The following HCN1 variants were observed in gnomAD, a reference collection of about 807,000 sequenced individuals.
HCN1 encodes hyperpolarization activated cyclic nucleotide gated potassium channel 1.
Under a neutral mutation model 78.9 loss-of-function variants are expected in HCN1, and 13 were observed. That is an observed-to-expected ratio of 0.16 (90% CI 0.11 to 0.26). The LOEUF (loss-of-function observed/expected upper bound fraction) is 0.26. HCN1 is among the 10% of genes least tolerant of loss of function. The pLI is 1.00. For missense variants in HCN1, 810 were observed against 1,154.3 expected (o/e 0.70, Z 4.32); for synonymous variants, 552 against 455.5 (o/e 1.21, Z -2.70).
chr5:45,376,236 CTA>C (rs1321997607), intron 4 of HCN1, among the ~76,000 whole-genome samples: 2 of 27,954 alleles, frequency 7.2e-5, no homozygotes, highest in African/African-American at 2.7e-4. Flanking sequence ...AATATATATT[CTA>C]TATATTCTAT....
At chr5:45,491,460 T>C (rs1284562117) in intron 2 of HCN1, among the ~76,000 whole-genome samples, 1 of 152,146 alleles carries the variant, frequency 6.6e-6, no homozygotes, top group African/African-American at 2.4e-5. Context: ...GGCCTTTAAC[T>C]TACCTTGTGC....
Position 45,295,117 on chromosome 5 carries a change from C to T in HCN1, c.1618+8482G>A, listed in dbSNP as rs373597700. Among the ~76,000 whole-genome samples the T allele has an allele frequency of 3.1e-4, 47 of 151,946 alleles. No individual in the cohort carries two copies. In the South Asian group the frequency reaches 8.7e-3, roughly 28 times the overall value. On this transcript the variant is annotated intron_variant, in intron 6 of 7. Transcript: ENST00000303230. ...TCACCACAACCCCAACACTCACTCACCACCCAACTGGCCTAAGCTATGTAG... is the reference window on the plus strand; with the variant it reads ...TCACCACAACCCCAACACTCACTCATCACCCAACTGGCCTAAGCTATGTAG...
At position 45,347,668 on chromosome 5, in the gene HCN1, A is replaced by T. The variant is rs552968425; in HGVS notation, c.1377+5432T>A. 6.6e-4 allele frequency among the ~76,000 whole-genome samples: 101 copies of T among 152,330 alleles called. 1 individual carries two copies. In the East Asian group the frequency reaches 0.012, roughly 18 times the overall value. ...GAATAACCAATATAGAGAAGTGCTT[A>T]AAGGAGCTGATGGAGCTGAAAGCCA... On this transcript the variant is annotated intron_variant, in intron 5 of 7. Transcript: ENST00000303230.
chr5:45,608,005 T>G (rs886905276), intron 2 of HCN1, among the ~76,000 whole-genome samples: 1 of 151,878 alleles, frequency 6.6e-6, no homozygotes, highest in Non-Finnish European at 1.5e-5. Flanking sequence ...TTATTAGAAT[T>G]AATAAGGGAA....
chr5:45,270,381 T>C (rs936984742), intron 6 of HCN1, among the ~76,000 whole-genome samples: 9 of 152,212 alleles, frequency 5.9e-5, no homozygotes, highest in Admixed American at 2.0e-4. Context: ...GTAACTACTG[T>C]TAGTGATTGA....
chr5:45,437,042 A>G (rs547832205), intron 3 of HCN1, among the ~76,000 whole-genome samples: 1 of 152,224 alleles, frequency 6.6e-6, no homozygotes, highest in African/African-American at 2.4e-5. Context: ...ACCCATGTGT[A>G]TATGGCAAAT....
At chr5:45,474,829 A>T (rs1469400630) in intron 2 of HCN1, among the ~76,000 whole-genome samples, 6 of 151,914 alleles carry the variant, frequency 3.9e-5, no homozygotes, top group Non-Finnish European at 8.8e-5. Context: ...TTGGTATCTC[A>T]AGGACTTTTA....
At chr5:45,422,210 T>C (rs1740244539) in intron 3 of HCN1, among the ~76,000 whole-genome samples, 1 of 152,196 alleles carries the variant, frequency 6.6e-6, no homozygotes, top group African/African-American at 2.4e-5. Flanking sequence ...TTTTGTCCAA[T>C]CATACTTCTA....
chr5:45,335,702 G>A lies in HCN1; in HGVS notation c.1377+17398C>T, dbSNP rs72762031. On this transcript the variant is annotated intron_variant, in intron 5 of 7. Transcript: ENST00000303230. ...TTTCACTGCATTGTAGTAACATTAA[G>A]AGTTAAATTCTACTGTGTACTTACT... Among the ~76,000 whole-genome samples, 754 of 152,184 alleles carry A rather than the reference G, an allele frequency of 5.0e-3. 2 individuals carry two copies. Among genetic ancestry groups the A allele is most frequent in the Non-Finnish European group, 7.9e-3 (538 of 67,984 alleles).
At chr5:45,267,012 T>C in intron 7 of HCN1, 77 bp downstream of exon 7, 2 of 1,237,498 alleles carry the variant, frequency 1.6e-6, no homozygotes, top group Admixed American at 1.7e-5. Flanking sequence ...CCCCACTGCA[T>C]TTGGGACTTA....
intron 2 of HCN1, among the ~76,000 whole-genome samples, chr5:45,635,602 G>A (rs750497813): frequency 1.3e-5 from 2 of 152,032 alleles, no homozygotes; most frequent in Non-Finnish European, 2.9e-5. Flanking sequence ...TTAAAAAATG[G>A]TCTAAATGGC....
At chr5:45,301,442 G>A (rs567198462) in intron 6 of HCN1, among the ~76,000 whole-genome samples, 2 of 151,454 alleles carry the variant, frequency 1.3e-5, no homozygotes, top group Non-Finnish European at 2.9e-5. Context: ...ATTCCAGTCA[G>A]GTGCGGTGGC....
chr5:45,375,156 TATATA>T (rs1187187796), intron 4 of HCN1, among the ~76,000 whole-genome samples: 80 of 120,630 alleles, frequency 6.6e-4, no homozygotes, highest in Middle Eastern at 4.4e-3. Flanking sequence ...TAATGTATTA[TATATA>T]ATATATTTTA....
intron 2 of HCN1, among the ~76,000 whole-genome samples, chr5:45,519,258 T>A (rs1742570804): frequency 6.6e-6 from 1 of 152,012 alleles, no homozygotes. Context: ...CACAGACCAC[T>A]ACAATGAGAA....
intron 2 of HCN1, among the ~76,000 whole-genome samples, chr5:45,527,240 T>A (rs1314611632): frequency 7.3e-6 from 1 of 137,594 alleles, no homozygotes; most frequent in Non-Finnish European, 1.6e-5. Flanking sequence ...GTTATATTAA[T>A]TTTTTTATAT....
chr5:45,316,620 A>G (rs1745999810), intron 5 of HCN1, among the ~76,000 whole-genome samples: 1 of 152,204 alleles, frequency 6.6e-6, no homozygotes, highest in Admixed American at 6.5e-5. Context: ...GAGGAAGTCA[A>G]ATTGTCCCTG....
intron 5 of HCN1, among the ~76,000 whole-genome samples, chr5:45,315,161 G>A (rs1745954441): frequency 6.6e-6 from 1 of 152,154 alleles, no homozygotes; most frequent in South Asian, 2.1e-4. Flanking sequence ...AACATAGTTG[G>A]AAGTAAAGCT....
intron 5 of HCN1, among the ~76,000 whole-genome samples, chr5:45,328,388 G>A (rs1206771578): frequency 1.3e-5 from 2 of 151,280 alleles, no homozygotes; most frequent in Admixed American, 1.3e-4. Flanking sequence ...AGCATTTTAT[G>A]GCTCTCTGGC....
At chr5:45,630,923 T>G (rs1745259984) in intron 2 of HCN1, among the ~76,000 whole-genome samples, 1 of 152,248 alleles carries the variant, frequency 6.6e-6, no homozygotes, top group African/African-American at 2.4e-5. Context: ...AGCATATGAG[T>G]CCAATATATA....
Sources: allele counts gnomAD v4.1 joint callset (sites outside exome capture counted in the v4.1 genomes callset), GRCh38; gene constraint gnomAD v4.1.1; transcripts MANE v1.5; gene names NCBI Gene and HGNC (gene_info 2026-07-23, HGNC 2026-07-21).